CALHM4: variants seen among roughly 807,000 people sequenced by gnomAD.
CALHM4 encodes the protein calcium homeostasis modulator protein 4.
A neutral mutation model predicts 13.3 loss-of-function variants in CALHM4; 16 were observed. That is an observed-to-expected ratio of 1.20 (90% CI 0.81 to 1.82). CALHM4 has a LOEUF of 1.82. Ranked by LOEUF, CALHM4 falls within the 40% of genes most tolerant of loss-of-function variation. The pLI, the probability that CALHM4 is intolerant of heterozygous loss-of-function variation, is 0.00. For missense variants in CALHM4, 344 were observed against 374.9 expected (o/e 0.92, Z 0.68); for synonymous variants, 127 against 137.1 (o/e 0.93, Z 0.52).
At chr6:116,556,511 C>G (rs1409771200) in intron 1 of CALHM4, among the ~76,000 whole-genome samples, 1 of 152,072 alleles carries the variant, frequency 6.6e-6, no homozygotes, top group Admixed American at 6.5e-5. Flanking sequence ...TAATAAATAC[C>G]ACTTTGTAGG....
intron 1 of CALHM4, among the ~76,000 whole-genome samples, chr6:116,557,062 C>T (rs1390237138): frequency 6.6e-6 from 1 of 151,432 alleles, no homozygotes; most frequent in Non-Finnish European, 1.5e-5. Flanking sequence ...CTCAGCCTCC[C>T]GAGTAGCTAG....
intron 2 of CALHM4, among the ~76,000 whole-genome samples, chr6:116,547,472 C>T (rs1459513432): frequency 6.6e-6 from 1 of 152,176 alleles, no homozygotes; most frequent in East Asian, 1.9e-4. Context: ...AAGACACGAG[C>T]TTAAGGAAGG....
intron 1 of CALHM4, among the ~76,000 whole-genome samples, chr6:116,554,762 A>G (rs1774234894): frequency 6.6e-6 from 1 of 152,314 alleles, no homozygotes; most frequent in Admixed American, 6.5e-5. Context: ...GTATATATAT[A>G]TTCTTAAATA....
intron 2 of CALHM4, among the ~76,000 whole-genome samples, chr6:116,548,715 T>A (rs1165954872): frequency 6.6e-6 from 1 of 152,190 alleles, no homozygotes; most frequent in Non-Finnish European, 1.5e-5. Flanking sequence ...ATATACCTCA[T>A]GTACCGAGCA....
chr6:116,553,177 T>C (rs1774157703), upstream of CALHM4, among the ~76,000 whole-genome samples: 1 of 152,230 alleles, frequency 6.6e-6, no homozygotes, highest in Non-Finnish European at 1.5e-5. Context: ...ATAGCAATAT[T>C]CTGTCAATGC....
chr6:116,539,620 T>C (rs9400931), intron 1 of CALHM4, among the ~76,000 whole-genome samples: 57,120 of 151,998 alleles, frequency 0.38, 12,408 homozygotes, highest in East Asian at 0.54. Context: ...GAAAGCATGA[T>C]GGTATAGAAT....
chr6:116,543,955 G>C, intron 2 of CALHM4: 1 of 1,133,054 alleles, frequency 8.8e-7, no homozygotes, highest in Non-Finnish European at 1.2e-6. Flanking sequence ...CCCATTTTTA[G>C]AGTAAATTAT....
intron 1 of CALHM4, chr6:116,543,433 C>A: frequency 1.3e-6 from 2 of 1,481,484 alleles, no homozygotes; most frequent in Non-Finnish European, 1.8e-6. Flanking sequence ...TGGTTATAGG[C>A]AAGTTATGAC....
intron 1 of CALHM4, among the ~76,000 whole-genome samples, chr6:116,541,817 T>C (rs1321969278): frequency 6.6e-6 from 1 of 151,900 alleles, no homozygotes; most frequent in Non-Finnish European, 1.5e-5. Flanking sequence ...TGAGCTGTGC[T>C]ATATCTACAC....
intron 1 of CALHM4, among the ~76,000 whole-genome samples, chr6:116,532,731 CAA>C: frequency 6.6e-6 from 1 of 152,270 alleles, no homozygotes; most frequent in South Asian, 2.1e-4. Context: ...GTTGGAAGAT[CAA>C]CAGGCACAAA....
chr6:116,532,393 C>A (rs1431510396), intron 1 of CALHM4, among the ~76,000 whole-genome samples: 2 of 152,146 alleles, frequency 1.3e-5, no homozygotes, highest in Non-Finnish European at 2.9e-5. Flanking sequence ...TGAGCCACCG[C>A]GCCCGGCCGG....
rs886432598 is a variant in CALHM4, at chr6:116,559,542, T to G, written c.*1331T>G. ...AATCAAAATGTTTTCAGGTTTTGTT[T>G]TGTCCTTCAATAAGAGACTGCATAT... On this transcript the variant is annotated 3_prime_UTR_variant, in exon 2 of 2. Coordinates refer to ENST00000368596, the MANE Select transcript of CALHM4 (RefSeq NM_001366078.2). Among the ~76,000 whole-genome samples, 1 of 152,194 alleles carries G rather than the reference T, an allele frequency of 6.6e-6. No individual in the cohort carries two copies. Among genetic ancestry groups the G allele is most frequent in the African/African-American group, 2.4e-5 (1 of 41,456 alleles).
chr6:116,544,083 G>C (rs978168846), intron 2 of CALHM4, among the ~76,000 whole-genome samples: 1 of 150,072 alleles, frequency 6.7e-6, no homozygotes, highest in Non-Finnish European at 1.5e-5. Flanking sequence ...CAACATATAA[G>C]AGCCACAGCA....
rs1773736296 is a variant in CALHM4, at chr6:116,545,602, G to GT, written c.-1+1735dup. ...GTATCAGTCCATGTCTTTTTGTTTT[G>GT]TTTTTGTAAGCTCTTCCTCGCTTTG... On this transcript the variant is annotated intron_variant, in intron 2 of 2. Transcript: ENST00000368597. The GT allele has an allele frequency of 2.4e-6, 3 of 1,237,594 alleles. No individual in the cohort carries two copies. In the South Asian group the frequency reaches 4.4e-5, roughly 18 times the overall value. 76.7% of individuals were successfully genotyped at this position (1,237,594 alleles called of 1,614,324 possible). A position where few individuals can be genotyped will look rare whatever the true frequency, so the allele number is the denominator to read the frequency against.
chr6:116,544,524 C>T (rs187399642), intron 2 of CALHM4, among the ~76,000 whole-genome samples: 4 of 152,068 alleles, frequency 2.6e-5, no homozygotes, highest in East Asian at 1.9e-4. Context: ...TTATCTTTAT[C>T]GTTTTTAAAA....
At chr6:116,550,291 T>C (rs72961125), upstream of CALHM4, among the ~76,000 whole-genome samples, 10,859 of 151,992 alleles carry the variant, frequency 0.071, 636 homozygotes, top group African/African-American at 0.17. Flanking sequence ...ATGACTCTAT[T>C]TTTCAGTGAC....
In CALHM4 at chr6:116,554,014, T is replaced by C. The variant is rs1562364105; in HGVS notation, c.221T>C (p.Met74Thr). ...GCTGGCTTTGCTCTGAGAAGCCAAA[T>C]GTGGACAATTACCGGTGAATACTGC... ...LVAGFALRSQ[M>T]WTITGEYCCS... The change falls in exon 1 of 2, where the codon ATG (methionine) becomes ACG (threonine). Residue 74 changes from methionine to threonine, a missense_variant. Physicochemically the swap from Met to Thr is moderately conservative, Grantham distance 81 (BLOSUM62 -1). Coordinates refer to ENST00000368596, the MANE Select transcript of CALHM4 (RefSeq NM_001366078.2). 6.4e-7 allele frequency: 1 copy of C among 1,550,666 alleles called. No individual in the cohort carries two copies. Among genetic ancestry groups the C allele is most frequent in the Admixed American group, 2.0e-5 (1 of 50,988 alleles).
rs1774441337 is a variant in CALHM4, at chr6:116,558,426, G to T, written c.*215G>T. On this transcript the variant is annotated 3_prime_UTR_variant, in exon 2 of 2. Transcript: ENST00000368596. ...TTTGCCAATGGTCTGGTAATGCCTAGAGTGGAATGTGAAGTCACATGGAAA... is the reference window on the plus strand; with the variant it reads ...TTTGCCAATGGTCTGGTAATGCCTATAGTGGAATGTGAAGTCACATGGAAA... The T allele has an allele frequency of 5.9e-6, 3 of 508,910 alleles. No homozygotes were observed. The Admixed American group carries it at 1.1e-4, about 19-fold the overall frequency. The allele number at this position is 508,910 out of a possible 1,614,324, so 31.5% of individuals were successfully genotyped here. A position where few individuals can be genotyped will look rare whatever the true frequency, so the allele number is the denominator to read the frequency against.
intron 1 of CALHM4, among the ~76,000 whole-genome samples, chr6:116,556,298 C>T (rs1012303734): frequency 6.6e-6 from 1 of 152,128 alleles, no homozygotes; most frequent in South Asian, 2.1e-4. Flanking sequence ...TTGGATTGCT[C>T]ATTTGTCTCC....
Sources: allele counts gnomAD v4.1 joint callset (sites outside exome capture counted in the v4.1 genomes callset), GRCh38; gene constraint gnomAD v4.1.1; transcripts MANE v1.5; gene names NCBI Gene and HGNC (gene_info 2026-07-23, HGNC 2026-07-21).